PLCH2: variants seen among roughly 807,000 people sequenced by gnomAD.
The protein encoded by PLCH2 is 1-phosphatidylinositol 4,5-bisphosphate phosphodiesterase eta-2.
Under a neutral mutation model 134.7 loss-of-function variants are expected in PLCH2, and 98 were observed. The observed-to-expected ratio is 0.73, with a 90% confidence interval of 0.62 to 0.86. The LOEUF is 0.86. Among genes scored for constraint, PLCH2 ranks in the 40% least tolerant of loss-of-function variants. The probability of loss-of-function intolerance (pLI) is 0.00; values close to 1 mark genes in which losing one functional copy is unlikely to be tolerated. For synonymous variants in PLCH2, 974 were observed against 827.5 expected (o/e 1.18, Z -3.04); for missense variants, 1,994 against 1,986.6 (o/e 1.00, Z -0.07).
chr1:2,484,587 G>C lies in PLCH2; in HGVS notation c.785G>C (p.Ser262Thr). Reference sequence around the variant, plus strand: ...CACAAGGACCACCTGGATGCCGCCAGCCTGCAGCGCTTCCTGCAGGTGGAG... The same window carrying C: ...CACAAGGACCACCTGGATGCCGCCACCCTGCAGCGCTTCCTGCAGGTGGAG... ...SNHKDHLDAA[S>T]LQRFLQVEQK... is the part of the protein sequence containing the mutation. Residue 262 changes from serine to threonine, a missense_variant, in exon 5 of 22, where the codon AGC becomes ACC. Around this residue, in one of 2 missense-constraint regions of PLCH2, gnomAD observed 1,094 missense variants for 1,234.3 expected, o/e 0.89. Coordinates refer to ENST00000378486, the MANE Select transcript of PLCH2 (RefSeq NM_014638.4). 6.2e-7 allele frequency: 1 copy of C among 1,612,738 alleles called. No individual in the cohort carries two copies. Among genetic ancestry groups the C allele is most frequent in the Non-Finnish European group, 8.5e-7 (1 of 1,179,804 alleles).
Position 2,444,131 on chromosome 1 carries a change from C to G in PLCH2, c.115+13502C>G, listed in dbSNP as rs1639828182. Among the ~76,000 whole-genome samples the G allele has an allele frequency of 1.3e-5, 2 of 152,154 alleles. No homozygotes were observed. The highest frequency in any genetic ancestry group is 4.1e-4 in the South Asian group (2 of 4,822). On this transcript the variant is annotated intron_variant, in intron 2 of 3. Transcript: ENST00000609981. This position sits in a 1 kb window ranked among gnomAD's most constrained non-coding sequence, Gnocchi z 4.6. The stretch of plus-strand genomic sequence containing the variant: ...GGTGGCACGGGCAGGGGTGCGGGCG[C>G]GGGACTGTGGGCGGGACGGGCGGAG...
intron 2 of PLCH2, among the ~76,000 whole-genome samples, chr1:2,446,286 G>A (rs2100542242): frequency 1.3e-5 from 2 of 152,372 alleles, no homozygotes; most frequent in African/African-American, 4.8e-5. Context: ...GGGCACAAGT[G>A]GCCCTGGATT....
upstream of PLCH2, among the ~76,000 whole-genome samples, chr1:2,474,837 G>T (rs1641527905): frequency 6.6e-6 from 1 of 152,156 alleles, no homozygotes; most frequent in South Asian, 2.1e-4. Context: ...CTGGGCCAGG[G>T]CTATGGCCGT....
chr1:2,437,201 C>T (rs1639463717), intron 2 of PLCH2, among the ~76,000 whole-genome samples: 1 of 152,200 alleles, frequency 6.6e-6, no homozygotes, highest in African/African-American at 2.4e-5. Flanking sequence ...TGGGAGGGAG[C>T]AGGCTTGGGT....
Position 2,503,222 on chromosome 1 carries a change from C to T in PLCH2, c.2960-700C>T, listed in dbSNP as rs2477709. 3.9e-3 allele frequency: 2,200 copies of T among 566,648 alleles called. 30 individuals carry two copies. Among genetic ancestry groups the T allele is most frequent in the African/African-American group, 0.034 (1,792 of 53,336 alleles). The allele number at this position is 566,648 out of a possible 1,614,324, so 35.1% of individuals were successfully genotyped here. A position where few individuals can be genotyped will look rare whatever the true frequency, so the allele number is the denominator to read the frequency against. On this transcript the variant is annotated intron_variant, in intron 21 of 21. Coordinates refer to ENST00000378486, the MANE Select transcript of PLCH2 (RefSeq NM_014638.4). ...TGTGGCCTGACATGCTGGGCCCCTC[C>T]GGCTGGGCGCTTCCCCAAACTCACC... is the stretch of plus-strand genomic sequence containing the variant.
At position 2,480,164 on chromosome 1, in the gene PLCH2, C is replaced by T. The variant is rs1244642199; in HGVS notation, c.516-19C>T. 4 of 1,612,356 alleles carry T rather than the reference C, an allele frequency of 2.5e-6. No homozygotes were observed. The highest frequency in any genetic ancestry group is 1.7e-4 in the Middle Eastern group (1 of 6,058). Reference sequence around the variant, plus strand: ...GGCTGGGCCCATGGATCGCTGTTGGCCCCTAACTCGGCACCAAAGTGGCTG... The same window carrying T: ...GGCTGGGCCCATGGATCGCTGTTGGTCCCTAACTCGGCACCAAAGTGGCTG... On this transcript the variant is annotated intron_variant, in intron 3 of 21. Transcript: ENST00000378486.
upstream of PLCH2, among the ~76,000 whole-genome samples, chr1:2,471,519 A>G (rs1293761895): frequency 6.6e-6 from 1 of 152,180 alleles, no homozygotes; most frequent in African/African-American, 2.4e-5. Context: ...CCTCCTGTCC[A>G]TCCCTCCACA....
chr1:2,481,083 G>GGCACACACAT (rs1220767899), intron 4 of PLCH2, among the ~76,000 whole-genome samples: 3 of 152,092 alleles, frequency 2.0e-5, no homozygotes, highest in Admixed American at 6.5e-5. Flanking sequence ...TATGCACACA[G>GGCACACACAT]GCACACACAT....
chr1:2,427,019 G>A (rs1230664345), intron 1 of PLCH2, among the ~76,000 whole-genome samples: 2 of 152,230 alleles, frequency 1.3e-5, no homozygotes, highest in Non-Finnish European at 2.9e-5. Context: ...AGTGGCAGAG[G>A]CCCAGCCATA....
rs149509291 is a variant in PLCH2, at chr1:2,428,187, C to T, written c.-178+2150C>T. ...TGAGAGTTGCCCAAGGCAGCAGGTC[C>T]AGGGTCTGAGCAGAGGCTGAAGGCC... On this transcript the variant is annotated intron_variant, in intron 1 of 3. Transcript: ENST00000609981. Among the ~76,000 whole-genome samples the T allele has an allele frequency of 8.0e-4, 122 of 152,358 alleles. 4 individuals are homozygous for T. In the East Asian group the frequency reaches 0.014, roughly 18 times the overall value.
chr1:2,496,823 C>G lies in PLCH2; in HGVS notation c.1934-5C>G. The stretch of plus-strand genomic sequence containing the variant: ...CAGTCTGATGCCCGGTCACCGGCGC[C>G]ACAGCGGCGTCCAGCTGGCAGGTGT... On this transcript the variant is annotated splice_polypyrimidine_tract_variant and splice_region_variant and intron_variant, in intron 14 of 21. Transcript: ENST00000378486. 1 of 1,611,586 alleles carries G rather than the reference C, an allele frequency of 6.2e-7. No homozygotes were observed. The highest frequency in any genetic ancestry group is 8.5e-7 in the Non-Finnish European group (1 of 1,178,804).
chr1:2,441,941 T>A (rs1277007412), intron 2 of PLCH2, among the ~76,000 whole-genome samples: 1 of 152,108 alleles, frequency 6.6e-6, no homozygotes, highest in African/African-American at 2.4e-5. Context: ...CAGAGGCTGC[T>A]AGAGCCCGCC....
chr1:2,418,636 G>C, the PLCH2 span, among the ~76,000 whole-genome samples: 1 of 152,240 alleles, frequency 6.6e-6, no homozygotes, highest in Non-Finnish European at 1.5e-5. Flanking sequence ...TGCTCCTCAG[G>C]GCTCAGGATC....
Position 2,498,252 on chromosome 1 carries a change from G to C in PLCH2, c.2225-271G>C. On this transcript the variant is annotated intron_variant, in intron 16 of 21. Transcript: ENST00000378486. The surrounding 1 kb of genome is among the most constrained non-coding windows in gnomAD (Gnocchi z 5.4). ...CACCCCTCATACCCCCAGGGACCCA[G>C]ACCCACCCCCAGAAGCCATGTGACC... The C allele has an allele frequency of 4.8e-6, 2 of 417,600 alleles. No homozygotes were observed. The highest frequency in any genetic ancestry group is 8.7e-6 in the Non-Finnish European group (2 of 231,008). The allele number at this position is 417,600 out of a possible 1,614,324, so 25.9% of individuals were successfully genotyped here.
In PLCH2 at chr1:2,487,835, C is replaced by G. The variant is rs1345280074; in HGVS notation, c.1235+117C>G. ...TCTTTGGGAGCAGTGACTGTGGTGA[C>G]CAGGGGGCTGGTTTCATTCTGGCAT... is the stretch of plus-strand genomic sequence containing the variant. On this transcript the variant is annotated intron_variant, in intron 8 of 21. Coordinates refer to ENST00000378486, the MANE Select transcript of PLCH2 (RefSeq NM_014638.4). 3.0e-6 allele frequency: 3 copies of G among 1,001,052 alleles called. No homozygotes were observed. The Admixed American group carries it at 7.4e-5, about 25-fold the overall frequency. The allele number at this position is 1,001,052 out of a possible 1,614,324, so 62.0% of individuals were successfully genotyped here.
At chr1:2,418,026 C>T in the PLCH2 span, among the ~76,000 whole-genome samples, 4 of 152,212 alleles carry the variant, frequency 2.6e-5, no homozygotes, top group Non-Finnish European at 5.9e-5. Flanking sequence ...GAGCCCAGGG[C>T]ATCCCTGTGT....
chr1:2,465,972 C>T (rs1273216615), upstream of PLCH2, among the ~76,000 whole-genome samples: 1 of 152,238 alleles, frequency 6.6e-6, no homozygotes, highest in Non-Finnish European at 1.5e-5. Flanking sequence ...ACCTCAGTTT[C>T]TCCCTTCTGA....
At chr1:2,426,542 C>G (rs572866103) in intron 1 of PLCH2, among the ~76,000 whole-genome samples, 1 of 152,212 alleles carries the variant, frequency 6.6e-6, no homozygotes, top group Non-Finnish European at 1.5e-5. Context: ...CACACGAGCT[C>G]GGCCCAGTGC....
chr1:2,495,644 G>A, intron 13 of PLCH2, 74 bp downstream of exon 13: 1 of 1,067,404 alleles, frequency 9.4e-7, no homozygotes, highest in Non-Finnish European at 1.3e-6. Context: ...TCTCTGCGGT[G>A]ACCCCACCAG....
Sources: allele counts gnomAD v4.1 joint callset (sites outside exome capture counted in the v4.1 genomes callset), GRCh38; gene constraint gnomAD v4.1.1; regional missense constraint gnomAD v4.1.1; non-coding constraint Gnocchi (gnomAD v3.1); transcripts MANE v1.5; gene names NCBI Gene and HGNC (gene_info 2026-07-23, HGNC 2026-07-21).